The following ZNF680 variants were observed in gnomAD, a reference collection of about 807,000 sequenced individuals.
The protein encoded by ZNF680 is hypothetical protein FLJ90430.
A neutral mutation model predicts 12.1 loss-of-function variants in ZNF680; 6 were observed. The observed-to-expected ratio is 0.49, with a 90% CI of 0.27 to 0.98. The LOEUF (loss-of-function observed/expected upper bound fraction) is 0.98. Ranked by LOEUF, ZNF680 falls within the 50% of genes least tolerant of loss-of-function variation. ZNF680 has a pLI of 0.12. For missense variants in ZNF680, 561 were observed against 616.3 expected (o/e 0.91, Z 0.95); for synonymous variants, 170 against 199.3 (o/e 0.85, Z 1.24).
At chr7:64,513,295 T>C in the ZNF680 span, among the ~76,000 whole-genome samples, 1 of 152,024 alleles carries the variant, frequency 6.6e-6, no homozygotes, top group Non-Finnish European at 1.5e-5. Context: ...AAAGTACGTT[T>C]TGCCTAAAAA....
At chr7:64,532,784 C>A (rs1289196100) in intron 3 of ZNF680, among the ~76,000 whole-genome samples, 1 of 152,054 alleles carries the variant, frequency 6.6e-6, no homozygotes, top group Non-Finnish European at 1.5e-5. Context: ...AACAAAATAC[C>A]AGCTAACTGA....
chr7:64,532,650 G>C (rs1011621681), intron 3 of ZNF680, among the ~76,000 whole-genome samples: 4 of 152,068 alleles, frequency 2.6e-5, no homozygotes, highest in African/African-American at 4.8e-5. Flanking sequence ...CAGAGTAAGA[G>C]GGAACCCTCC....
chr7:64,546,961 C>G (rs1008253941), intron 1 of ZNF680, among the ~76,000 whole-genome samples: 11 of 151,970 alleles, frequency 7.2e-5, no homozygotes, highest in African/African-American at 1.7e-4. Context: ...CATTTTGAGT[C>G]ACATGAGGCC....
chr7:64,532,023 A>G (rs997151674), intron 3 of ZNF680, among the ~76,000 whole-genome samples: 2 of 152,198 alleles, frequency 1.3e-5, no homozygotes, highest in East Asian at 1.9e-4. Flanking sequence ...AAACATAAAT[A>G]GGCCAGGCAC....
chr7:64,504,330 T>C, the ZNF680 span, among the ~76,000 whole-genome samples: 321 of 152,326 alleles, frequency 2.1e-3, 2 homozygotes, highest in African/African-American at 7.3e-3. Flanking sequence ...GAGCACTTGT[T>C]TGGGTGGTAT....
At chr7:64,508,671 A>G in the ZNF680 span, among the ~76,000 whole-genome samples, 1 of 152,178 alleles carries the variant, frequency 6.6e-6, no homozygotes, top group Non-Finnish European at 1.5e-5. Context: ...ACATGGAATT[A>G]AAAGGGGGTC....
At chr7:64,501,146 C>A in the ZNF680 span, 1 of 906,542 alleles carries the variant, frequency 1.1e-6, no homozygotes, top group African/African-American at 1.6e-5. Context: ...GGGTCAGTAA[C>A]AGAACACCCT....
intron 1 of ZNF680, among the ~76,000 whole-genome samples, chr7:64,558,443 C>T (rs769155402): frequency 2.0e-5 from 3 of 152,080 alleles, no homozygotes; most frequent in Non-Finnish European, 2.9e-5. Context: ...TTTCAGTCCT[C>T]TCTCACCCTG....
At chr7:64,531,151 A>G (rs1479831636) in intron 3 of ZNF680, among the ~76,000 whole-genome samples, 1 of 152,126 alleles carries the variant, frequency 6.6e-6, no homozygotes, top group Non-Finnish European at 1.5e-5. Flanking sequence ...TATACAAAAC[A>G]TTCCATCCAA....
At chr7:64,508,271 A>G in the ZNF680 span, among the ~76,000 whole-genome samples, 5 of 151,310 alleles carry the variant, frequency 3.3e-5, no homozygotes, top group African/African-American at 1.2e-4. Flanking sequence ...TTTAAACTAC[A>G]TTTAAATTTA....
chr7:64,517,603 A>G (rs1391090251), downstream of ZNF680, among the ~76,000 whole-genome samples: 1 of 152,120 alleles, frequency 6.6e-6, no homozygotes, highest in Non-Finnish European at 1.5e-5. Flanking sequence ...GTATGAAGCC[A>G]GCATCACCCT....
At chr7:64,523,636 G>T (rs554801477) in intron 3 of ZNF680, among the ~76,000 whole-genome samples, 3 of 151,988 alleles carry the variant, frequency 2.0e-5, no homozygotes, top group African/African-American at 7.2e-5. Context: ...TTTTAAGGCC[G>T]GGCGTGGTGG....
chr7:64,555,245 A>G (rs1360704145), intron 1 of ZNF680, among the ~76,000 whole-genome samples: 1 of 152,138 alleles, frequency 6.6e-6, no homozygotes, highest in Non-Finnish European at 1.5e-5. Flanking sequence ...CATACTCCAA[A>G]ATTGACCACA....
chr7:64,553,422 T>G (rs1245747400), intron 1 of ZNF680, among the ~76,000 whole-genome samples: 2 of 152,228 alleles, frequency 1.3e-5, no homozygotes, highest in African/African-American at 4.8e-5. Flanking sequence ...CTCTTATTTT[T>G]ATTTTCTCCT....
intron 3 of ZNF680, among the ~76,000 whole-genome samples, chr7:64,539,130 CAAAAA>C (rs529165573): frequency 7.2e-4 from 56 of 77,678 alleles, no homozygotes; most frequent in African/African-American, 1.3e-3. Context: ...GACTCCATCT[CAAAAA>C]AAAAAAAAAA....
the ZNF680 span, among the ~76,000 whole-genome samples, chr7:64,503,682 C>CTTT: frequency 1.3e-5 from 2 of 152,162 alleles, no homozygotes; most frequent in African/African-American, 2.4e-5. Flanking sequence ...ACCTGGCCAT[C>CTTT]TGTGAGTCTT....
chr7:64,518,165 C>G (rs1252955076), downstream of ZNF680, among the ~76,000 whole-genome samples: 1 of 151,832 alleles, frequency 6.6e-6, no homozygotes, highest in Non-Finnish European at 1.5e-5. Context: ...TGATTGTATA[C>G]CTAAAGAACC....
chr7:64,535,363 C>T (rs1584370891), intron 3 of ZNF680, among the ~76,000 whole-genome samples: 1 of 108,782 alleles, frequency 9.2e-6, no homozygotes, highest in Non-Finnish European at 1.8e-5. Context: ...AGCGAGGCCA[C>T]AAGAAAGAAC....
chr7:64,508,901 T>C, the ZNF680 span, among the ~76,000 whole-genome samples: 4 of 152,188 alleles, frequency 2.6e-5, no homozygotes, highest in African/African-American at 7.2e-5. Context: ...CTTTAAAAAA[T>C]TGCCATTTTT....
Sources: gnomAD v4.1 joint callset for allele counts (sites outside exome capture counted in the v4.1 genomes callset) on GRCh38, gnomAD v4.1.1 for gene constraint, MANE v1.5 for transcripts, NCBI Gene and HGNC (gene_info 2026-07-23, HGNC 2026-07-21) for gene names.